STAMBPL1: variants seen among roughly 807,000 people sequenced by gnomAD.
STAMBPL1 encodes the protein STAM binding protein like 1.
A neutral mutation model predicts 52.9 loss-of-function variants in STAMBPL1; 44 were observed. The ratio of observed to expected loss-of-function variants is 0.83; its 90% CI spans 0.65 to 1.07. The LOEUF (loss-of-function observed/expected upper bound fraction) is 1.07. Among genes scored for constraint, STAMBPL1 ranks in the 50% least tolerant of loss-of-function variants. The pLI, the probability that STAMBPL1 is intolerant of heterozygous loss-of-function variation, is 0.00. For synonymous variants in STAMBPL1, 164 were observed against 177.3 expected, an observed-to-expected ratio of 0.92 and a Z score of 0.60; for missense variants, 511 against 520.8, an observed-to-expected ratio of 0.98 and a Z score of 0.18.
At chr10:88,913,635 T>C (rs1845288570) in intron 6 of STAMBPL1, among the ~76,000 whole-genome samples, 177 bp downstream of exon 6, 1 of 152,152 alleles carries the variant, frequency 6.6e-6, no homozygotes, top group Non-Finnish European at 1.5e-5. Context: ...CTATATATAA[T>C]CTTAAAATTC....
intron 3 of STAMBPL1, among the ~76,000 whole-genome samples, chr10:88,906,447 T>C (rs1218554830): frequency 6.6e-6 from 1 of 152,222 alleles, no homozygotes; most frequent in Non-Finnish European, 1.5e-5. Flanking sequence ...TTTTTTTAAT[T>C]GAAAGTCACA....
chr10:88,910,769 A>G, intron 4 of STAMBPL1, 147 bp from the exon 5 acceptor site: 2 of 517,408 alleles, frequency 3.9e-6, no homozygotes, highest in South Asian at 2.7e-5. Flanking sequence ...GGACCCATAA[A>G]AAAGAGATTT....
At position 88,880,872 on chromosome 10, in the gene STAMBPL1, C is replaced by T. The variant is rs1001661086; in HGVS notation, c.-54+234C>T. ...CGCCTGTATGCGCCCCTCCGCTGGGCCCTCTGGGTTAGTTTCACCTTGATA... is the reference window on the plus strand; with the variant it reads ...CGCCTGTATGCGCCCCTCCGCTGGGTCCTCTGGGTTAGTTTCACCTTGATA... On this transcript the variant is annotated intron_variant, in intron 1 of 10. Transcript: ENST00000371926. 2.6e-5 allele frequency among the ~76,000 whole-genome samples: 4 copies of T among 152,350 alleles called. No individual in the cohort carries two copies. In the East Asian group the frequency reaches 7.7e-4, roughly 29 times the overall value.
At chr10:88,891,829 AAGT>A (rs2133133946) in intron 1 of STAMBPL1, among the ~76,000 whole-genome samples, 1 of 152,264 alleles carries the variant, frequency 6.6e-6, no homozygotes, top group East Asian at 1.9e-4. Context: ...TAAAAGCACA[AAGT>A]AGGGGCTTTA....
chr10:88,914,848 A>G (rs1845329643), intron 7 of STAMBPL1, among the ~76,000 whole-genome samples, 190 bp downstream of exon 7: 1 of 152,104 alleles, frequency 6.6e-6, no homozygotes, highest in South Asian at 2.1e-4. Context: ...CTTTTAGAAA[A>G]TAGATTGTAA....
chr10:88,911,639 T>C (rs1022473793), intron 5 of STAMBPL1, among the ~76,000 whole-genome samples: 1 of 152,194 alleles, frequency 6.6e-6, no homozygotes, highest in African/African-American at 2.4e-5. Flanking sequence ...GTTATTTTGC[T>C]TTTTTGTTTG....
At chr10:88,894,570 G>A (rs150858770) in intron 1 of STAMBPL1, among the ~76,000 whole-genome samples, 25 of 151,722 alleles carry the variant, frequency 1.6e-4, no homozygotes, top group Admixed American at 2.6e-4. Context: ...TGCACACCTA[G>A]TCTATACTTT....
rs1430680766 is a variant in STAMBPL1 at position 88,908,753 on chromosome 10, A to G, written c.300A>G (p.Val100=). 1 of 1,608,662 alleles carries G rather than the reference A, an allele frequency of 6.2e-7. No individual in the cohort carries two copies. The highest frequency in any genetic ancestry group is 8.5e-7 in the Non-Finnish European group (1 of 1,178,162). ...PNHRDYQQCA[V]PEKQDIMKKL... is the part of the protein sequence containing the mutation. Reference sequence around the variant, plus strand: ...ATCGAGATTACCAGCAATGTGCAGTACCTGAAAAGCAGGATATTATGAAGG... The same window carrying G: ...ATCGAGATTACCAGCAATGTGCAGTGCCTGAAAAGCAGGATATTATGAAGG... The change falls in exon 4 of 11, where the codon GTA becomes GTG. Residue 100 remains valine (V), a synonymous_variant. Transcript: ENST00000371926.
intron 2 of STAMBPL1, among the ~76,000 whole-genome samples, chr10:88,904,799 A>G (rs1057055635): frequency 1.3e-5 from 2 of 152,208 alleles, no homozygotes; most frequent in Non-Finnish European, 1.5e-5. Context: ...GTCAAGGACT[A>G]ATTTAACAGT....
chr10:88,902,575 T>A (rs905436710), intron 2 of STAMBPL1, among the ~76,000 whole-genome samples: 1 of 149,006 alleles, frequency 6.7e-6, no homozygotes, highest in Non-Finnish European at 1.5e-5. Flanking sequence ...TAATGTTTTT[T>A]CTTTTTTTTT....
At chr10:88,894,717 G>A (rs973858797) in intron 1 of STAMBPL1, among the ~76,000 whole-genome samples, 3 of 152,078 alleles carry the variant, frequency 2.0e-5, no homozygotes, top group Non-Finnish European at 4.4e-5. Context: ...CAGATTAAAC[G>A]GAGCAAATTA....
chr10:88,882,452 C>T (rs1336485879), intron 1 of STAMBPL1: 2 of 152,192 alleles, frequency 1.3e-5, no homozygotes, highest in Non-Finnish European at 2.9e-5. Flanking sequence ...TGATCATTTC[C>T]TTCCTTTAGG....
At chr10:88,904,977 T>C (rs1845036314) in intron 2 of STAMBPL1, among the ~76,000 whole-genome samples, 1 of 152,114 alleles carries the variant, frequency 6.6e-6, no homozygotes, top group Admixed American at 6.5e-5. Context: ...ACAACACTTA[T>C]TCTGGAATAG....
chr10:88,887,336 T>A (rs1231287355), intron 1 of STAMBPL1, among the ~76,000 whole-genome samples: 1 of 152,160 alleles, frequency 6.6e-6, no homozygotes, highest in Admixed American at 6.5e-5. Context: ...AATTAAAATG[T>A]GGATCTTGAA....
At chr10:88,916,616 C>A in intron 7 of STAMBPL1, 64 bp from the exon 8 acceptor site, 2 of 1,461,386 alleles carry the variant, frequency 1.4e-6, no homozygotes, top group South Asian at 1.3e-5. Flanking sequence ...CATTTCATTT[C>A]CTGTTCAGTT....
intron 1 of STAMBPL1, among the ~76,000 whole-genome samples, chr10:88,884,721 C>A (rs1844486624): frequency 1.3e-5 from 2 of 152,156 alleles, no homozygotes; most frequent in African/African-American, 2.4e-5. Context: ...AAACATTTGA[C>A]AAATATTTAT....
intron 1 of STAMBPL1, among the ~76,000 whole-genome samples, chr10:88,897,899 A>G (rs1235129782): frequency 1.3e-5 from 2 of 152,176 alleles, no homozygotes; most frequent in African/African-American, 2.4e-5. Flanking sequence ...CTCAAGTACT[A>G]TGAGGTGAAG....
At chr10:88,893,262 T>C (rs577547099) in intron 1 of STAMBPL1, among the ~76,000 whole-genome samples, 1 of 152,208 alleles carries the variant, frequency 6.6e-6, no homozygotes, top group Non-Finnish European at 1.5e-5. Context: ...GAAAAGAATC[T>C]AAAATTAGCA....
Position 88,913,435 on chromosome 10 carries a change from C to T in STAMBPL1, c.755C>T (p.Ala252Val). 6.2e-7 allele frequency: 1 copy of T among 1,612,766 alleles called. No homozygotes were observed. The highest frequency in any genetic ancestry group is 8.5e-7 in the Non-Finnish European group (1 of 1,179,226). ...SPPVNRALTP[A>V]ATLSAVQNLV... ...CCTGTAAACAGGGCCTTAACGCCAGCTGCTACTCTAAGTGCTGTTCAGAGT... is the reference window on the plus strand; with the variant it reads ...CCTGTAAACAGGGCCTTAACGCCAGTTGCTACTCTAAGTGCTGTTCAGAGT... The change falls in exon 6 of 11, where the codon GCT (alanine) becomes GTT (valine). Residue 252 changes from alanine to valine, a missense_variant. Physicochemically the swap from Ala to Val is moderately conservative, Grantham distance 64. Around this residue, in one of 3 missense-constraint regions of STAMBPL1, gnomAD observed 358 missense variants for 343.5 expected, o/e 1.04. Transcript: ENST00000371926.
Sources: gnomAD v4.1 joint callset for allele counts (sites outside exome capture counted in the v4.1 genomes callset) on GRCh38, gnomAD v4.1.1 for gene constraint, gnomAD v4.1.1 regional missense constraint, MANE v1.5 for transcripts, NCBI Gene and HGNC (gene_info 2026-07-23, HGNC 2026-07-21) for gene names.